The following PPHLN1 variants were observed in gnomAD, a reference collection of about 807,000 sequenced individuals.
PPHLN1 encodes the protein periphilin-1.
In PPHLN1, 29 loss-of-function variants were observed where a neutral mutation model predicts 51.3. The observed-to-expected ratio is 0.57, with a 90% CI of 0.42 to 0.77. The LOEUF (loss-of-function observed/expected upper bound fraction) is 0.77. Ranked by LOEUF, PPHLN1 falls within the 30% of genes least tolerant of loss-of-function variation. The pLI is 0.00. For synonymous variants in PPHLN1, 147 were observed against 147.8 expected, an observed-to-expected ratio of 0.99 and a Z score of 0.04; for missense variants, 436 against 438.4, an observed-to-expected ratio of 0.99 and a Z score of 0.05.
At chr12:42,421,653 A>C (rs1239833321) in intron 9 of PPHLN1, among the ~76,000 whole-genome samples, 1 of 152,204 alleles carries the variant, frequency 6.6e-6, no homozygotes, top group Non-Finnish European at 1.5e-5. Context: ...GAGCTGTGAC[A>C]AATATCTTAA....
chr12:42,337,771 AT>A (rs2070883632), intron 2 of PPHLN1, among the ~76,000 whole-genome samples: 1 of 141,750 alleles, frequency 7.1e-6, no homozygotes, highest in Non-Finnish European at 1.5e-5. Context: ...ATTTTATTTT[AT>A]TTTATTTTAT....
At chr12:42,368,064 T>C (rs963257232) in intron 4 of PPHLN1, among the ~76,000 whole-genome samples, 60 of 152,224 alleles carry the variant, frequency 3.9e-4, no homozygotes, top group African/African-American at 1.4e-3. Context: ...TATTAATATT[T>C]AAGACTGGCA....
chr12:42,426,969 A>G (rs1039008863), intron 9 of PPHLN1, among the ~76,000 whole-genome samples: 1 of 152,094 alleles, frequency 6.6e-6, no homozygotes, highest in African/African-American at 2.4e-5. Flanking sequence ...CCTGCTGACA[A>G]ATTTCTCTCC....
intron 7 of PPHLN1, among the ~76,000 whole-genome samples, chr12:42,390,812 C>G (rs527889435): frequency 7.0e-4 from 101 of 145,016 alleles, no homozygotes; most frequent in African/African-American, 2.1e-3. Context: ...TTTCACAGAC[C>G]GTGAAGTTTT....
Position 42,398,948 on chromosome 12 carries a change from C to T in PPHLN1, c.863C>T (p.Thr288Ile). The T allele has an allele frequency of 6.2e-7, 1 of 1,614,042 alleles. No homozygotes were observed. Among genetic ancestry groups the T allele is most frequent in the South Asian group, 1.1e-5 (1 of 91,084 alleles). ...GAATTATTTGAAGATAGTCAGCTAACCACTCGCTCTAAAGCAATAGCATCA... is the reference window on the plus strand; with the variant it reads ...GAATTATTTGAAGATAGTCAGCTAATCACTCGCTCTAAAGCAATAGCATCA... ...GIELFEDSQL[T>I]TRSKAIASKT... The change falls in exon 9 of 10, where the codon ACC (threonine) becomes ATC (isoleucine). Residue 288 changes from threonine to isoleucine, a missense_variant. Physicochemically the swap from Thr to Ile is moderately conservative, Grantham distance 89 (BLOSUM62 -1). Transcript: ENST00000358314.
Position 42,332,760 on chromosome 12 carries a change from A to G in PPHLN1, c.-20-3123A>G, listed in dbSNP as rs1314485799. 1.8e-5 allele frequency: 19 copies of G among 1,037,378 alleles called. No homozygotes were observed. In the South Asian group the frequency reaches 3.0e-4, roughly 16 times the overall value. 64.3% of individuals were successfully genotyped at this position (1,037,378 alleles called of 1,614,324 possible). On this transcript the variant is annotated intron_variant, in intron 1 of 9. Transcript: ENST00000358314. ...GTTATTGTTACATTTTTTGTGGGAC[A>G]CCGGTAAATTTTAATATTTCAGTAT...
intron 9 of PPHLN1, among the ~76,000 whole-genome samples, chr12:42,416,475 CTT>C (rs1306760946): frequency 1.3e-5 from 2 of 152,324 alleles, no homozygotes; most frequent in African/African-American, 4.8e-5. Flanking sequence ...TTACTTCAGA[CTT>C]CAGCCTCACT....
At position 42,441,528 on chromosome 12, in the gene PPHLN1, A is replaced by T; in HGVS notation, c.*19A>T. 1 of 763,880 alleles carries T rather than the reference A, an allele frequency of 1.3e-6. No homozygotes were observed. The highest frequency in any genetic ancestry group is 1.8e-5 in the African/African-American group (1 of 54,224). 47.3% of individuals were successfully genotyped at this position (763,880 alleles called of 1,614,324 possible). The stretch of plus-strand genomic sequence containing the variant: ...TTTTTAGATTTTTCTGCTCAGGCTA[A>T]AAAAAAAAAAAAACAGTTTCTAAAA... On this transcript the variant is annotated 3_prime_UTR_variant, in exon 10 of 10. Coordinates refer to ENST00000358314, the MANE Select transcript of PPHLN1 (RefSeq NM_201439.2).
chr12:42,431,648 A>G (rs1345618910), intron 9 of PPHLN1: 2 of 965,522 alleles, frequency 2.1e-6, no homozygotes, highest in Non-Finnish European at 3.3e-6. Flanking sequence ...AGAACTGTAA[A>G]CTAGGAACTT....
At chr12:42,367,210 A>T (rs2075357138) in intron 4 of PPHLN1, among the ~76,000 whole-genome samples, 1 of 152,190 alleles carries the variant, frequency 6.6e-6, no homozygotes, top group Non-Finnish European at 1.5e-5. Context: ...GATGTTTATT[A>T]CTGTTTAATT....
chr12:42,416,053 C>T (rs997753804), intron 9 of PPHLN1, among the ~76,000 whole-genome samples: 1 of 152,174 alleles, frequency 6.6e-6, no homozygotes, highest in African/African-American at 2.4e-5. Flanking sequence ...AAAGGTTCTA[C>T]ATAAAGGTGA....
At chr12:42,357,047 T>C (rs2074121150) in intron 4 of PPHLN1, among the ~76,000 whole-genome samples, 2 of 152,206 alleles carry the variant, frequency 1.3e-5, no homozygotes, top group African/African-American at 4.8e-5. Context: ...AAAACTGTAA[T>C]GAGTGATAGG....
At chr12:42,354,636 TTAAA>T (rs768684651) in intron 3 of PPHLN1, among the ~76,000 whole-genome samples, 10 of 152,160 alleles carry the variant, frequency 6.6e-5, no homozygotes, top group East Asian at 3.8e-4. Context: ...TTATTTAAAC[TTAAA>T]TAAATTTAAA....
intron 9 of PPHLN1, among the ~76,000 whole-genome samples, chr12:42,409,694 T>C (rs2079630568): frequency 6.6e-6 from 1 of 152,096 alleles, no homozygotes; most frequent in Admixed American, 6.5e-5. Context: ...GCTTTAAGGT[T>C]TTTTTTTCTG....
intron 5 of PPHLN1, among the ~76,000 whole-genome samples, chr12:42,377,297 CTTTCT>C (rs1254215739): frequency 4.1e-5 from 5 of 123,084 alleles, no homozygotes; most frequent in Non-Finnish European, 8.6e-5. Context: ...AAAATTTTTT[CTTTCT>C]TTTTTTTTTT....
intron 8 of PPHLN1, among the ~76,000 whole-genome samples, chr12:42,394,580 C>A (rs1391282427): frequency 6.6e-6 from 1 of 152,068 alleles, no homozygotes; most frequent in South Asian, 2.1e-4. Context: ...AAAGTATAAA[C>A]CCTATCAGAA....
At chr12:42,397,819 G>GC (rs936974100) in intron 8 of PPHLN1, among the ~76,000 whole-genome samples, 1 of 152,038 alleles carries the variant, frequency 6.6e-6, no homozygotes, top group Non-Finnish European at 1.5e-5. Flanking sequence ...TTGGCTCACT[G>GC]CAACCTCTGC....
At chr12:42,437,731 C>T (rs1194275414) in intron 9 of PPHLN1, among the ~76,000 whole-genome samples, 2 of 152,138 alleles carry the variant, frequency 1.3e-5, no homozygotes, top group African/African-American at 4.8e-5. Context: ...TTGTCTCCTA[C>T]AGTTCTGTGA....
intron 9 of PPHLN1, 190 bp downstream of exon 9, chr12:42,399,184 G>A (rs2078565724): frequency 8.0e-7 from 1 of 1,249,308 alleles, no homozygotes; most frequent in African/African-American, 1.5e-5. Context: ...CACCTGGATT[G>A]TTTATTTTTA....
Sources: gnomAD v4.1 joint callset for allele counts (sites outside exome capture counted in the v4.1 genomes callset) on GRCh38, gnomAD v4.1.1 for gene constraint, MANE v1.5 for transcripts, NCBI Gene and HGNC (gene_info 2026-07-23, HGNC 2026-07-21) for gene names.